Variants in SH3PXD2A observed in about 807,000 individuals in gnomAD.
The protein encoded by SH3PXD2A is SH3 and PX domain-containing protein 2A.
SH3PXD2A carries 32 observed loss-of-function variants against 115.2 expected under a neutral mutation model. That is an observed-to-expected ratio of 0.28 (90% CI 0.21 to 0.37). The LOEUF (loss-of-function observed/expected upper bound fraction) is 0.37, where lower values mean the gene tolerates loss of function less well. SH3PXD2A is among the 10% of genes least tolerant of loss of function. SH3PXD2A has a pLI of 1.00. For missense variants in SH3PXD2A, 1,328 were observed against 1,498.7 expected (o/e 0.89, Z 1.88); for synonymous variants, 610 against 629.1 (o/e 0.97, Z 0.45).
At chr10:103,668,766 G>C in intron 6 of SH3PXD2A, 114 bp from the exon 7 acceptor site, 1 of 931,008 alleles carries the variant, frequency 1.1e-6, no homozygotes, top group East Asian at 2.6e-5. Flanking sequence ...TCGGCCAGCC[G>C]CGGGCGGAAG....
At chr10:103,841,459 G>T (rs2039597438) in intron 1 of SH3PXD2A, among the ~76,000 whole-genome samples, 1 of 152,108 alleles carries the variant, frequency 6.6e-6, no homozygotes, top group Non-Finnish European at 1.5e-5. Context: ...TCCCCAGGAG[G>T]TCTCTTTTAA....
chr10:103,800,090 G>A (rs1302843291), intron 2 of SH3PXD2A, among the ~76,000 whole-genome samples: 1 of 152,092 alleles, frequency 6.6e-6, no homozygotes, highest in Non-Finnish European at 1.5e-5. Context: ...TGGCTGTGAG[G>A]GTAGAAGTGA....
At chr10:103,712,495 C>T (rs2038058153) in intron 5 of SH3PXD2A, among the ~76,000 whole-genome samples, 1 of 152,202 alleles carries the variant, frequency 6.6e-6, no homozygotes, top group African/African-American at 2.4e-5. Context: ...CAGGCAGCAC[C>T]CCTCCTCAGA....
Position 103,602,751 on chromosome 10 carries a change from T to C in SH3PXD2A, c.2467A>G (p.Ile823Val), listed in dbSNP as rs2036237534. ...GGGGGAGTGGTGGCTGGGAGGGTGATGAGGTCGGATGAGCTTCTCCTAGAC... is the reference window on the plus strand; with the variant it reads ...GGGGGAGTGGTGGCTGGGAGGGTGACGAGGTCGGATGAGCTTCTCCTAGAC... Reference protein sequence around the residue: ...EGSRRSSSDLITLPATTPPCP... With the variant: ...EGSRRSSSDLVTLPATTPPCP... The change falls in exon 15 of 15, where the codon ATC becomes GTC. Residue 823 changes from isoleucine (I) to valine (V), a missense_variant. Ile to Val is a conservative substitution (Grantham distance 29, BLOSUM62 3). Coordinates refer to ENST00000369774, the MANE Select transcript of SH3PXD2A (RefSeq NM_001394015.1). 5.0e-6 allele frequency: 8 copies of C among 1,613,992 alleles called. No individual in the cohort carries two copies. The highest frequency in any genetic ancestry group is 6.8e-6 in the Non-Finnish European group (8 of 1,179,950).
At chr10:103,823,625 G>A (rs1228670142) in intron 1 of SH3PXD2A, among the ~76,000 whole-genome samples, 1 of 152,218 alleles carries the variant, frequency 6.6e-6, no homozygotes, top group African/African-American at 2.4e-5. Flanking sequence ...GGTCCAAAAG[G>A]ATCAGTGACT....
chr10:103,718,798 C>CACAT (rs1554915136), intron 5 of SH3PXD2A, among the ~76,000 whole-genome samples: 1 of 150,892 alleles, frequency 6.6e-6, no homozygotes, highest in Non-Finnish European at 1.5e-5. Context: ...CACACACACA[C>CACAT]GCACATACAC....
intron 2 of SH3PXD2A, among the ~76,000 whole-genome samples, chr10:103,777,956 A>G (rs1192750873): frequency 1.3e-5 from 2 of 152,170 alleles, no homozygotes; most frequent in African/African-American, 2.4e-5. Context: ...TCATTCCCAC[A>G]TAACTTCTCT....
chr10:103,758,862 A>G (rs2038669894), intron 3 of SH3PXD2A, among the ~76,000 whole-genome samples: 1 of 152,178 alleles, frequency 6.6e-6, no homozygotes, highest in South Asian at 2.1e-4. Context: ...TTCCTTCTCC[A>G]TCACATAGTT....
chr10:103,838,509 T>C (rs2039567537), intron 1 of SH3PXD2A, among the ~76,000 whole-genome samples: 2 of 152,234 alleles, frequency 1.3e-5, no homozygotes, highest in Non-Finnish European at 2.9e-5. Flanking sequence ...GAACCCCCTC[T>C]CTGAACTACT....
chr10:103,610,243 C>G lies in SH3PXD2A; in HGVS notation c.1308+1338G>C, dbSNP rs1009140307. Among the ~76,000 whole-genome samples the G allele has an allele frequency of 2.4e-4, 36 of 152,236 alleles. 1 individual carries two copies. On this transcript the variant is annotated intron_variant, in intron 13 of 14. Coordinates refer to ENST00000369774, the MANE Select transcript of SH3PXD2A (RefSeq NM_001394015.1). ...CTGGCTGTGCAGCCGTGCATGTGAG[C>G]AGACACAGCCCAGGCTCAGCCCAGG... is the stretch of plus-strand genomic sequence containing the variant.
chr10:103,806,717 T>TA (rs2039206356), intron 1 of SH3PXD2A, among the ~76,000 whole-genome samples: 1 of 152,212 alleles, frequency 6.6e-6, no homozygotes. Flanking sequence ...TTCTGGATTT[T>TA]AAAAACCCAT....
chr10:103,824,001 C>T (rs952114575), intron 1 of SH3PXD2A, among the ~76,000 whole-genome samples: 5 of 152,212 alleles, frequency 3.3e-5, no homozygotes, highest in African/African-American at 1.2e-4. Flanking sequence ...ATGTGTCCCT[C>T]ATATTGTCCC....
chr10:103,662,344 GGGGGGGGGC>G (rs1336039012), intron 7 of SH3PXD2A, among the ~76,000 whole-genome samples: 8 of 88,896 alleles, frequency 9.0e-5, no homozygotes, highest in African/African-American at 4.6e-4. Flanking sequence ...TTATTGGCGG[GGGGGGGGGC>G]GGGGGGGGAT....
chr10:103,661,683 A>AG (rs966228429), intron 7 of SH3PXD2A: 62 of 984,862 alleles, frequency 6.3e-5, no homozygotes, highest in Non-Finnish European at 1.1e-5. Context: ...GAGGGAGAGG[A>AG]GAGAGCGGGA....
intron 5 of SH3PXD2A, among the ~76,000 whole-genome samples, chr10:103,720,027 G>A (rs188011431): frequency 6.6e-6 from 1 of 152,340 alleles, no homozygotes; most frequent in Non-Finnish European, 1.5e-5. Flanking sequence ...GCCACACTAG[G>A]TAATTTCTTA....
chr10:103,602,683 G>A lies in SH3PXD2A; in HGVS notation c.2535C>T (p.Tyr845=). The change falls in exon 15 of 15, where the codon TAC becomes TAT. Residue 845 remains tyrosine, a synonymous_variant. Coordinates refer to ENST00000369774, the MANE Select transcript of SH3PXD2A (RefSeq NM_001394015.1). The stretch of plus-strand genomic sequence containing the variant: ...CCTTCTGGTAGGCGCTGCATGTCAT[G>A]TACGAGGTGGCTGGCCCTTCCCATT... ...KKEWEGPATS[Y]MTCSAYQKVQ... 1 of 1,614,168 alleles carries A rather than the reference G, an allele frequency of 6.2e-7. No individual in the cohort carries two copies. Among genetic ancestry groups the A allele is most frequent in the Non-Finnish European group, 8.5e-7 (1 of 1,180,048 alleles).
intron 8 of SH3PXD2A, 60 bp downstream of exon 8, chr10:103,660,923 C>T: frequency 6.3e-7 from 1 of 1,591,182 alleles, no homozygotes; most frequent in Non-Finnish European, 8.6e-7. Flanking sequence ...GAACAAAAAC[C>T]AGCTCGGCCC....
intron 5 of SH3PXD2A, among the ~76,000 whole-genome samples, chr10:103,719,760 A>C (rs2038158196): frequency 8.4e-6 from 1 of 119,594 alleles, no homozygotes; most frequent in Admixed American, 1.2e-4. Context: ...TTGCTCTGTC[A>C]CCCAGCTGGA....
intron 5 of SH3PXD2A, among the ~76,000 whole-genome samples, chr10:103,696,527 C>T (rs1368395160): frequency 6.6e-6 from 1 of 152,278 alleles, no homozygotes; most frequent in East Asian, 1.9e-4. Context: ...CTCCAATCCA[C>T]ACTCCGTCCT....
Sources: gnomAD v4.1 joint callset for allele counts (sites outside exome capture counted in the v4.1 genomes callset) on GRCh38, gnomAD v4.1.1 for gene constraint, MANE v1.5 for transcripts, NCBI Gene and HGNC (gene_info 2026-07-23, HGNC 2026-07-21) for gene names.